The following PLEC variants were observed in gnomAD, a reference collection of about 807,000 sequenced individuals.
PLEC encodes the protein hemidesmosomal protein 1.
PLEC carries 216 observed loss-of-function variants against 392.8 expected under a neutral mutation model. That is an observed-to-expected ratio of 0.55 (90% CI 0.49 to 0.62). PLEC has a LOEUF of 0.62. Ranked by LOEUF, PLEC falls within the 20% of genes least tolerant of loss-of-function variation. The probability of loss-of-function intolerance (pLI) is 0.00; values close to 1 mark genes in which losing one functional copy is unlikely to be tolerated. For missense variants in PLEC, 6,863 were observed against 6,563.4 expected, an observed-to-expected ratio of 1.05 and a Z score of -1.58; for synonymous variants, 3,621 against 2,980.6, an observed-to-expected ratio of 1.21 and a Z score of -7.00.
upstream of PLEC, chr8:143,975,168 C>T (rs1285957665): frequency 6.3e-7 from 1 of 1,597,764 alleles, no homozygotes; most frequent in Admixed American, 1.7e-5. The surrounding 1 kb of genome is among the most constrained non-coding windows in gnomAD (Gnocchi z 9.9). Flanking sequence ...CAAGGCCCTG[C>T]GCAGTTACCT....
upstream of PLEC, chr8:143,944,566 C>CCAGCCT: frequency 1.2e-6 from 1 of 867,560 alleles, no homozygotes; most frequent in Non-Finnish European, 1.6e-6. Context: ...CCCCTGGCCT[C>CCAGCCT]CAGCCTCAGC....
Position 143,922,164 on chromosome 8 carries a change from C to T in PLEC, c.7657G>A (p.Glu2553Lys), listed in dbSNP as rs782571929. Residue 2553 changes from glutamate (E) to lysine (K), a missense_variant, in exon 32 of 32, where the codon GAG (glutamate) becomes AAG (lysine). By Grantham distance (56) the Glu-to-Lys change is moderately conservative. Coordinates refer to ENST00000345136, the MANE Select transcript of PLEC (RefSeq NM_201384.3). ...TCATGCTGCCGCCGCCGCGCCTCCT[C>T]CATGCTGGCCACCAGCCGCTGCCGT... ...QERQRLVASM[E>K]EARRRQHEAE... 5.8e-6 allele frequency: 9 copies of T among 1,541,530 alleles called. No individual in the cohort carries two copies. The African/African-American group carries it at 1.2e-4, about 21-fold the overall frequency.
At chr8:143,942,332 C>A (rs1272117333), upstream of PLEC, 5 of 1,582,138 alleles carry the variant, frequency 3.2e-6, no homozygotes, top group East Asian at 1.1e-4. Flanking sequence ...GAGACCCAGC[C>A]CCACTAGGTG....
In PLEC at chr8:143,916,709, G is replaced by A. The variant is rs1820690934; in HGVS notation, c.13112C>T (p.Ala4371Val). Residue 4371 changes from alanine (A) to valine (V), a missense_variant, in exon 32 of 32, where the codon GCC (alanine) becomes GTC (valine). Transcript: ENST00000345136. ...GAGCCAGCCCTTCTTCAGGGCCTGG[G>A]CGGCCGACATCTTGGTCTTGGTGCG... Reference protein sequence around the residue: ...DPRTKTKMSAAQALKKGWLYY... With the variant: ...DPRTKTKMSAVQALKKGWLYY... 6.2e-7 allele frequency: 1 copy of A among 1,612,850 alleles called. No homozygotes were observed. Among genetic ancestry groups the A allele is most frequent in the Non-Finnish European group, 8.5e-7 (1 of 1,179,898 alleles).
In PLEC at chr8:143,927,898, G is replaced by A. The variant is rs782293752; in HGVS notation, c.3355C>T (p.Pro1119Ser). 1 of 1,594,578 alleles carries A rather than the reference G, an allele frequency of 6.3e-7. No individual in the cohort carries two copies. The change falls in exon 26 of 32, where the codon CCG becomes TCG. Residue 1119 changes from proline to serine, a missense_variant. Pro to Ser is a moderately conservative substitution (Grantham distance 74). Coordinates refer to ENST00000345136, the MANE Select transcript of PLEC (RefSeq NM_201384.3). ...EEQLKEAQAV[P>S]ATLPELEATK... ...GCCTCGAGCTCCGGGAGGGTGGCCG[G>A]CACGGCCTGGGCCTCCTTGAGCTGC...
In PLEC at chr8:143,916,236, G is replaced by A. The variant is rs1257985536; in HGVS notation, c.13585C>T (p.Arg4529Cys). 19 of 1,546,744 alleles carry A rather than the reference G, an allele frequency of 1.2e-5. No individual in the cohort carries two copies. In the Admixed American group the frequency reaches 2.4e-4, roughly 19 times the overall value. ...GCCGAGGACCCCGAGGCGTAGCGGC[G>A]GCCGTAGCCCGAGGAGGAGTAGGAG... ...SSSYSSSGYG[R>C]RYASGSSASL... The change falls in exon 32 of 32, where the codon CGC becomes TGC. Residue 4529 changes from arginine (R) to cysteine (C), a missense_variant. Arg to Cys is a radical substitution (Grantham distance 180). Transcript: ENST00000345136.
rs1294041768 is a variant in PLEC at position 143,959,956 on chromosome 8, G to A, written c.70+13447C>T. Among the ~76,000 whole-genome samples, 3 of 150,658 alleles carry A rather than the reference G, an allele frequency of 2.0e-5. No individual in the cohort carries two copies. In the Admixed American group the frequency reaches 2.0e-4, roughly 10 times the overall value. On this transcript the variant is annotated intron_variant, in intron 1 of 31. Coordinates refer to the PLEC transcript ENST00000356346. ...ATCATGCCACTACACTCCAGCTTGGGCGACAGAGTGAGACTCCGTCTCAAA... is the reference window on the plus strand; with the variant it reads ...ATCATGCCACTACACTCCAGCTTGGACGACAGAGTGAGACTCCGTCTCAAA...
At chr8:143,932,351 C>A in intron 16 of PLEC, 49 bp downstream of exon 16, 1 of 1,611,026 alleles carries the variant, frequency 6.2e-7, no homozygotes, top group South Asian at 1.1e-5. Context: ...GGCCAGGGCA[C>A]AGCTGGGGAG....
At chr8:143,943,669 T>G, upstream of PLEC, 4 of 1,044,868 alleles carry the variant, frequency 3.8e-6, no homozygotes, top group African/African-American at 1.6e-5. Flanking sequence ...CTGCTTTCAC[T>G]GACATTCAGC....
rs975595754 is a variant in PLEC at position 143,915,923 on chromosome 8, G to A, written c.*254C>T. ...AGCTTGGGACCCTCCAAGGCACCTGGCTGTGTGAGTGGCAGGTAGAAGGGA... is the reference window on the plus strand; with the variant it reads ...AGCTTGGGACCCTCCAAGGCACCTGACTGTGTGAGTGGCAGGTAGAAGGGA... On this transcript the variant is annotated 3_prime_UTR_variant, in exon 32 of 32. Transcript: ENST00000345136. 2.8e-6 allele frequency: 1 copy of A among 353,700 alleles called. No homozygotes were observed. The highest frequency in any genetic ancestry group is 5.1e-6 in the Non-Finnish European group (1 of 196,324). The allele number at this position is 353,700 out of a possible 1,614,324, so 21.9% of individuals were successfully genotyped here.
chr8:143,925,015 G>A lies in PLEC; in HGVS notation c.4914C>T (p.Ala1638=), dbSNP rs1374217449. Residue 1638 remains alanine, a synonymous_variant, in exon 31 of 32, where the codon GCC becomes GCT. Coordinates refer to ENST00000345136, the MANE Select transcript of PLEC (RefSeq NM_201384.3). The part of the protein sequence containing the change: ...ERELERWQLK[A]NEALRLRLQA... ...GCAGCCGCAGCCGTAGCGCCTCGTT[G>A]GCCTTGAGCTGCCAGCGCTCCAGCT... 1.3e-6 allele frequency: 2 copies of A among 1,569,304 alleles called. No individual in the cohort carries two copies. The highest frequency in any genetic ancestry group is 1.7e-6 in the Non-Finnish European group (2 of 1,166,184).
Position 143,917,773 on chromosome 8 carries a change from G to A in PLEC, c.12048C>T (p.Asp4016=), listed in dbSNP as rs574454725. 5.6e-6 allele frequency: 9 copies of A among 1,613,584 alleles called. No individual in the cohort carries two copies. Among genetic ancestry groups the A allele is most frequent in the South Asian group, 5.5e-5 (5 of 91,074 alleles). The change falls in exon 32 of 32, where the codon GAC becomes GAT. Residue 4016 remains aspartate, a synonymous_variant. Transcript: ENST00000345136. ...SAERAVTGYK[D]PYSGKLISLF... ...GGGAGATGAGCTTCCCAGAGTAGGG[G>A]TCCTTGTACCCAGTGACGGCGCGCT... is the stretch of plus-strand genomic sequence containing the variant.
chr8:143,959,079 C>T (rs1298976437), intron 1 of PLEC, among the ~76,000 whole-genome samples: 1 of 152,200 alleles, frequency 6.6e-6, no homozygotes, highest in African/African-American at 2.4e-5. Flanking sequence ...TGTAGCACAG[C>T]GGGGCACCCT....
chr8:143,968,783 C>G (rs1833255257), intron 1 of PLEC, among the ~76,000 whole-genome samples: 1 of 152,164 alleles, frequency 6.6e-6, no homozygotes, highest in Non-Finnish European at 1.5e-5. Context: ...AAATGCAAAT[C>G]AAACCACAAT....
At position 143,917,242 on chromosome 8, in the gene PLEC, C is replaced by T; in HGVS notation, c.12579G>A (p.Met4193Ile). Residue 4193 changes from methionine (M) to isoleucine (I), a missense_variant, in exon 32 of 32, where the codon ATG becomes ATA. Met to Ile is a conservative substitution (Grantham distance 10, BLOSUM62 1). Transcript: ENST00000345136. ...ISSSDGVVKS[M>I]IIDRRSGRQY... ...GGCGCCCGGAGCGGCGGTCGATGAT[C>T]ATGGACTTGACCACGCCGTCCGAGG... The T allele has an allele frequency of 6.2e-7, 1 of 1,612,752 alleles. No individual in the cohort carries two copies. Among genetic ancestry groups the T allele is most frequent in the South Asian group, 1.1e-5 (1 of 91,078 alleles).
Position 143,917,791 on chromosome 8 carries a change from G to A in PLEC, c.12030C>T (p.Ala4010=), listed in dbSNP as rs372023641. ...AGTAGGGGTCCTTGTACCCAGTGAC[G>A]GCGCGCTCGGCCGACAGCAGCTTGT... The part of the protein sequence containing the change: ...FKDKLLSAER[A]VTGYKDPYSG... The change falls in exon 32 of 32, where the codon GCC becomes GCT. Residue 4010 remains alanine, a synonymous_variant. Transcript: ENST00000345136. 2.8e-5 allele frequency: 45 copies of A among 1,613,376 alleles called. No individual in the cohort carries two copies. The highest frequency in any genetic ancestry group is 3.5e-5 in the Non-Finnish European group (41 of 1,179,996).
chr8:143,938,353 G>A lies in PLEC; in HGVS notation c.175-113C>T, dbSNP rs1829622615. 2.0e-6 allele frequency: 3 copies of A among 1,536,188 alleles called. No individual in the cohort carries two copies. The Admixed American group carries it at 5.9e-5, about 30-fold the overall frequency. On this transcript the variant is annotated intron_variant, in intron 2 of 31. Coordinates refer to ENST00000345136, the MANE Select transcript of PLEC (RefSeq NM_201384.3). ...CCAGAGGGAAGGAGGCGGGGGCTGA[G>A]TCTCCCGGGAGCCCACGGAACACAC...
At chr8:143,946,204 G>C in intron 1 of PLEC, 1 of 460,668 alleles carries the variant, frequency 2.2e-6, no homozygotes, top group South Asian at 1.9e-5. Flanking sequence ...CACACCCCTG[G>C]GGCAGCTCCG....
chr8:143,933,117 G>A lies in PLEC; in HGVS notation c.1419-6C>T. ...GCTCGTGCAGACGGTACACCCTGGG[G>A]CAGCAGAGGACTCAGGTAGGTGTTG... On this transcript the variant is annotated splice_region_variant and splice_polypyrimidine_tract_variant and intron_variant, in intron 13 of 31. Coordinates refer to ENST00000345136, the MANE Select transcript of PLEC (RefSeq NM_201384.3). 1 of 1,598,622 alleles carries A rather than the reference G, an allele frequency of 6.3e-7. No individual in the cohort carries two copies. Among genetic ancestry groups the A allele is most frequent in the Non-Finnish European group, 8.5e-7 (1 of 1,175,482 alleles).
Sources: allele counts gnomAD v4.1 joint callset (sites outside exome capture counted in the v4.1 genomes callset), GRCh38; gene constraint gnomAD v4.1.1; non-coding constraint Gnocchi (gnomAD v3.1); transcripts MANE v1.5; gene names NCBI Gene and HGNC (gene_info 2026-07-23, HGNC 2026-07-21).